The following ARMC9 variants were observed in gnomAD, a reference collection of about 807,000 sequenced individuals.
The protein encoded by ARMC9 is armadillo repeat containing 9, also known as lisH domain-containing protein ARMC9.
A neutral mutation model predicts 107.0 loss-of-function variants in ARMC9; 94 were observed. The observed-to-expected ratio is 0.88, with a 90% CI of 0.74 to 1.04. The LOEUF (loss-of-function observed/expected upper bound fraction) is 1.04, where lower values mean the gene tolerates loss of function less well. Ranked by LOEUF, ARMC9 falls within the 50% of genes least tolerant of loss-of-function variation. ARMC9 has a pLI of 0.00. For synonymous variants in ARMC9, 380 were observed against 396.9 expected, an observed-to-expected ratio of 0.96 and a Z score of 0.51; for missense variants, 942 against 1,030.1, an observed-to-expected ratio of 0.91 and a Z score of 1.17.
rs3042595 is a variant in ARMC9, at chr2:231,255,180, AACACACACACACACACACACAC to A, written c.880-1386_880-1365del. On this transcript the variant is annotated intron_variant, in intron 9 of 24. Transcript: ENST00000611582. The surrounding 1 kb of genome is among the most constrained non-coding windows in gnomAD (Gnocchi z 4.7). ...AGCACTACCTGTAGTGGCAAAAAGA[AACACACACACACACACACACAC>A]ACACACACACACACACACAAAATAA... Among the ~76,000 whole-genome samples, 4 of 146,758 alleles carry A rather than the reference AACACACACACACACACACACAC, an allele frequency of 2.7e-5. No homozygotes were observed. The highest frequency in any genetic ancestry group is 6.9e-5 in the Admixed American group (1 of 14,556).
Position 231,358,441 on chromosome 2 carries a change from A to T in ARMC9, c.2132-2313A>T, listed in dbSNP as rs2045430233. 6.6e-6 allele frequency among the ~76,000 whole-genome samples: 1 copy of T among 151,878 alleles called. No individual in the cohort carries two copies. The highest frequency in any genetic ancestry group is 1.5e-5 in the Non-Finnish European group (1 of 67,970). Reference sequence around the variant, plus strand: ...GGTCTTGAACCCTTGGGCTCAAGCGATCCTCCCGCCTCGGCCTCCCAAAGT... The same window carrying T: ...GGTCTTGAACCCTTGGGCTCAAGCGTTCCTCCCGCCTCGGCCTCCCAAAGT... On this transcript the variant is annotated intron_variant, in intron 22 of 24. Transcript: ENST00000611582. The surrounding 1 kb of genome is among the most constrained non-coding windows in gnomAD (Gnocchi z 4.5).
chr2:231,283,094 C>T (rs1474496749), intron 17 of ARMC9, among the ~76,000 whole-genome samples: 1 of 151,962 alleles, frequency 6.6e-6, no homozygotes, highest in Non-Finnish European at 1.5e-5. Context: ...AGGATGGGGC[C>T]ATGTGAGGAA....
intron 14 of ARMC9, 132 bp downstream of exon 14, chr2:231,273,210 G>A: frequency 1.6e-6 from 2 of 1,244,856 alleles, no homozygotes; most frequent in Admixed American, 2.4e-5. Flanking sequence ...CTAAGACAGA[G>A]CTAGAAAGCT....
chr2:231,249,494 T>A (rs969013245), intron 9 of ARMC9, among the ~76,000 whole-genome samples: 9 of 152,030 alleles, frequency 5.9e-5, no homozygotes, highest in Admixed American at 5.2e-4. Context: ...GTGGCCCCAC[T>A]GCCCACCTCC....
In ARMC9 at chr2:231,251,880, C is replaced by T. The variant is rs989084405; in HGVS notation, c.880-4706C>T. 5.3e-5 allele frequency among the ~76,000 whole-genome samples: 8 copies of T among 152,144 alleles called. 1 individual carries two copies. Among genetic ancestry groups the T allele is most frequent in the Non-Finnish European group, 7.3e-5 (5 of 68,038 alleles). On this transcript the variant is annotated intron_variant, in intron 9 of 24. Transcript: ENST00000611582. The stretch of plus-strand genomic sequence containing the variant: ...AGCTGGGACTACAGGTGTGCACCAC[C>T]ACACCTGGCTAATTTTTACTTTTTG...
chr2:231,369,024 T>TCCCAGAACTATACTTCCATCTAAG (rs1459084290), intron 23 of ARMC9, among the ~76,000 whole-genome samples: 10 of 152,234 alleles, frequency 6.6e-5, no homozygotes, highest in African/African-American at 2.4e-4. Context: ...AAGTCCTACT[T>TCCCAGAACTATACTTCCATCTAAG]CCCAGAACTA....
intron 9 of ARMC9, among the ~76,000 whole-genome samples, chr2:231,248,221 T>C (rs2036950479): frequency 6.6e-6 from 1 of 152,186 alleles, no homozygotes; most frequent in African/African-American, 2.4e-5. Flanking sequence ...GCTTCCTCCC[T>C]CCCTGCCCAC....
chr2:231,217,412 CG>C (rs2033631208), intron 5 of ARMC9, among the ~76,000 whole-genome samples: 1 of 151,974 alleles, frequency 6.6e-6, no homozygotes, highest in Admixed American at 6.6e-5. Flanking sequence ...GGGGAGACCC[CG>C]TCTCTACTAA....
chr2:231,234,430 C>A (rs1342297024), intron 7 of ARMC9, among the ~76,000 whole-genome samples: 1 of 152,196 alleles, frequency 6.6e-6, no homozygotes, highest in South Asian at 2.1e-4. Context: ...ATCTCTTCTC[C>A]TTCTGGATTC....
intron 9 of ARMC9, among the ~76,000 whole-genome samples, chr2:231,245,341 C>T (rs944276138): frequency 3.3e-5 from 5 of 152,172 alleles, no homozygotes; most frequent in African/African-American, 4.8e-5. Flanking sequence ...TTACGCAAGT[C>T]ACGCGGGTGT....
At chr2:231,209,993 T>C (rs1405591213) in intron 3 of ARMC9, among the ~76,000 whole-genome samples, 2 of 152,216 alleles carry the variant, frequency 1.3e-5, no homozygotes, top group African/African-American at 4.8e-5. Context: ...CTTATTATTT[T>C]AACAGATTTT....
At chr2:231,324,387 A>T (rs1368501084) in intron 19 of ARMC9, among the ~76,000 whole-genome samples, 23 of 150,828 alleles carry the variant, frequency 1.5e-4, no homozygotes, top group African/African-American at 5.6e-4. Flanking sequence ...CGGCCTCCCA[A>T]AGTGCTGGGA....
chr2:231,207,820 A>G (rs1216167292), intron 2 of ARMC9, among the ~76,000 whole-genome samples: 3 of 152,200 alleles, frequency 2.0e-5, no homozygotes, highest in African/African-American at 4.8e-5. Flanking sequence ...ACAGTTTTCT[A>G]TAATGGCCGT....
chr2:231,245,895 T>C lies in ARMC9; in HGVS notation c.879+5854T>C, dbSNP rs145471886. Among the ~76,000 whole-genome samples, 130 of 152,224 alleles carry C rather than the reference T, an allele frequency of 8.5e-4. 2 individuals are homozygous for C. The East Asian group carries it at 0.024, about 28-fold the overall frequency. On this transcript the variant is annotated intron_variant, in intron 9 of 24. Transcript: ENST00000611582. ...GAAAAGGTATGCCACGAGAGGGGGC[T>C]GTTCCACCCACACCAAGCCTGTTCC... is the stretch of plus-strand genomic sequence containing the variant.
chr2:231,305,843 AC>A (rs142146149), intron 19 of ARMC9, among the ~76,000 whole-genome samples: 4,634 of 152,290 alleles, frequency 0.03, 234 homozygotes, highest in African/African-American at 0.11. Flanking sequence ...GTGATAAAAA[AC>A]AAATGTTCAA....
chr2:231,243,909 A>G (rs970354423), intron 9 of ARMC9, among the ~76,000 whole-genome samples: 2 of 152,226 alleles, frequency 1.3e-5, no homozygotes, highest in African/African-American at 2.4e-5. Context: ...TTGGAAGGAG[A>G]AGAAGATTGC....
chr2:231,257,377 A>C (rs2037929264), intron 10 of ARMC9, among the ~76,000 whole-genome samples: 1 of 152,112 alleles, frequency 6.6e-6, no homozygotes, highest in Non-Finnish European at 1.5e-5. Context: ...GGTGGCAAGG[A>C]AGTTGAGAAC....
chr2:231,256,289 G>T (rs2037797677), intron 9 of ARMC9: 2 of 1,554,000 alleles, frequency 1.3e-6, no homozygotes, highest in Admixed American at 1.9e-5. Flanking sequence ...AGAGCGAGAA[G>T]CCCGGAGGTT....
chr2:231,323,867 A>C (rs1035446379), intron 19 of ARMC9, among the ~76,000 whole-genome samples: 1 of 152,200 alleles, frequency 6.6e-6, no homozygotes, highest in Non-Finnish European at 1.5e-5. Flanking sequence ...TGCATTTGAC[A>C]TTGAAATAAC....
Sources: allele counts gnomAD v4.1 joint callset (sites outside exome capture counted in the v4.1 genomes callset), GRCh38; gene constraint gnomAD v4.1.1; non-coding constraint Gnocchi (gnomAD v3.1); transcripts MANE v1.5; gene names NCBI Gene and HGNC (gene_info 2026-07-23, HGNC 2026-07-21).